Variants in HS2ST1 observed in about 807,000 individuals in gnomAD.
HS2ST1 encodes the protein 2-O-sulfotransferase.
A neutral mutation model predicts 42.9 loss-of-function variants in HS2ST1; 18 were observed. The ratio of observed to expected loss-of-function variants is 0.42; its 90% CI spans 0.29 to 0.62. The LOEUF is 0.62. Among genes scored for constraint, HS2ST1 ranks in the 20% least tolerant of loss-of-function variants. The pLI, the probability that HS2ST1 is intolerant of heterozygous loss-of-function variation, is 0.21. For missense variants in HS2ST1, 334 were observed against 433.8 expected (o/e 0.77, Z 2.04); for synonymous variants, 146 against 152.9 (o/e 0.95, Z 0.33).
At chr1:86,943,780 C>T (rs1446371648) in intron 1 of HS2ST1, among the ~76,000 whole-genome samples, 1 of 151,788 alleles carries the variant, frequency 6.6e-6, no homozygotes, top group Non-Finnish European at 1.5e-5. Context: ...AATCCCAGCA[C>T]TTTGGGTGGC....
chr1:87,030,549 T>C (rs956875385), intron 1 of HS2ST1, among the ~76,000 whole-genome samples: 15 of 151,920 alleles, frequency 9.9e-5, no homozygotes, highest in East Asian at 1.9e-4. Flanking sequence ...CACACACACA[T>C]GCCTCTCCAC....
chr1:87,020,392 C>T (rs965114714), intron 1 of HS2ST1, among the ~76,000 whole-genome samples: 2 of 152,184 alleles, frequency 1.3e-5, no homozygotes, highest in African/African-American at 4.8e-5. Flanking sequence ...TTTATGCTTC[C>T]TATTCTAGTA....
intron 1 of HS2ST1, among the ~76,000 whole-genome samples, chr1:86,935,066 C>G (rs72947866): frequency 0.024 from 3,582 of 151,582 alleles, 75 homozygotes; most frequent in African/African-American, 0.049. Context: ...TTTTCTGTAC[C>G]TTTTTGACTG....
At chr1:86,954,964 G>A (rs1192988694) in intron 1 of HS2ST1, among the ~76,000 whole-genome samples, 1 of 152,110 alleles carries the variant, frequency 6.6e-6, no homozygotes, top group Non-Finnish European at 1.5e-5. Flanking sequence ...CAGGTGTGGT[G>A]GCTCATCCCT....
intron 1 of HS2ST1, among the ~76,000 whole-genome samples, chr1:86,959,704 A>G (rs1368073912): frequency 6.6e-6 from 1 of 151,460 alleles, no homozygotes; most frequent in Non-Finnish European, 1.5e-5. Context: ...CATTTATATT[A>G]GCACAAAAAA....
intron 1 of HS2ST1, among the ~76,000 whole-genome samples, chr1:87,058,342 A>G (rs1462563950): frequency 6.6e-6 from 1 of 151,788 alleles, no homozygotes; most frequent in East Asian, 1.9e-4. Flanking sequence ...TTCTGGAGTA[A>G]TGCTACAAAA....
chr1:86,974,141 G>A (rs966015818), intron 1 of HS2ST1, among the ~76,000 whole-genome samples: 4 of 152,072 alleles, frequency 2.6e-5, no homozygotes, highest in Admixed American at 1.3e-4. Flanking sequence ...TTCTAATGGG[G>A]TGACACTTGG....
chr1:86,992,643 T>C (rs1648989402), intron 1 of HS2ST1, among the ~76,000 whole-genome samples: 1 of 152,222 alleles, frequency 6.6e-6, no homozygotes, highest in Non-Finnish European at 1.5e-5. Context: ...ATTACAGGCA[T>C]GAGCCACCGC....
chr1:87,101,149 G>GTGTTTTTTTTTTTT (rs1557546421), intron 5 of HS2ST1, among the ~76,000 whole-genome samples: 2 of 59,540 alleles, frequency 3.4e-5, no homozygotes, highest in Non-Finnish European at 5.9e-5. Flanking sequence ...GTGTGTGTGT[G>GTGTTTTTTTTTTTT]TTTTTTGTTT....
chr1:86,954,332 G>A (rs1295816691), intron 1 of HS2ST1, among the ~76,000 whole-genome samples: 1 of 152,080 alleles, frequency 6.6e-6, no homozygotes, highest in East Asian at 1.9e-4. Flanking sequence ...CTGGGTGACA[G>A]AGCAAGACTC....
intron 3 of HS2ST1, among the ~76,000 whole-genome samples, chr1:87,085,156 A>G (rs1651790801): frequency 6.6e-6 from 1 of 152,158 alleles, no homozygotes; most frequent in Non-Finnish European, 1.5e-5. Context: ...CTCAAATCCA[A>G]ATGTTTTCCC....
At chr1:86,966,419 G>C (rs1648050134) in intron 1 of HS2ST1, among the ~76,000 whole-genome samples, 1 of 152,090 alleles carries the variant, frequency 6.6e-6, no homozygotes, top group Non-Finnish European at 1.5e-5. Context: ...TTAGGGTTAG[G>C]GGGCATTGCT....
intron 1 of HS2ST1, among the ~76,000 whole-genome samples, chr1:86,952,429 G>A (rs534110665): frequency 6.6e-6 from 1 of 152,084 alleles, no homozygotes; most frequent in Non-Finnish European, 1.5e-5. Context: ...GTAGAGATGG[G>A]GTTTCACCAT....
intron 1 of HS2ST1, among the ~76,000 whole-genome samples, chr1:86,988,182 T>G (rs1338322319): frequency 6.6e-6 from 1 of 152,220 alleles, no homozygotes; most frequent in Non-Finnish European, 1.5e-5. Flanking sequence ...GGAGCCATCA[T>G]TTGCTCAAAC....
chr1:87,100,222 C>T (rs1297494071), intron 5 of HS2ST1, among the ~76,000 whole-genome samples: 2 of 152,148 alleles, frequency 1.3e-5, no homozygotes, highest in African/African-American at 4.8e-5. Context: ...AATCTGCAAT[C>T]TAGGTGGAAT....
intron 1 of HS2ST1, among the ~76,000 whole-genome samples, chr1:87,070,865 CTCTG>C (rs779706212): frequency 3.2e-4 from 48 of 152,226 alleles, no homozygotes; most frequent in Non-Finnish European, 5.3e-4. Context: ...ATCCTAGGGT[CTCTG>C]TCTGTGCTAC....
intron 1 of HS2ST1, among the ~76,000 whole-genome samples, chr1:86,945,243 A>G (rs1194096412): frequency 6.6e-6 from 1 of 152,210 alleles, no homozygotes; most frequent in Non-Finnish European, 1.5e-5. Context: ...GCTCAACATA[A>G]GAGATGTGAT....
At chr1:86,982,057 C>T (rs907332820) in intron 1 of HS2ST1, among the ~76,000 whole-genome samples, 2 of 152,262 alleles carry the variant, frequency 1.3e-5, no homozygotes, top group African/African-American at 4.8e-5. Flanking sequence ...ACAGGCCCAA[C>T]ACCACATGGA....
intron 3 of HS2ST1, among the ~76,000 whole-genome samples, chr1:87,089,202 A>T (rs992977182): frequency 1.3e-5 from 2 of 151,996 alleles, no homozygotes; most frequent in Admixed American, 6.6e-5. Flanking sequence ...CTATTGATAG[A>T]ATGTAATTGT....
Sources: allele counts gnomAD v4.1 joint callset (sites outside exome capture counted in the v4.1 genomes callset), GRCh38; gene constraint gnomAD v4.1.1; transcripts MANE v1.5; gene names NCBI Gene and HGNC (gene_info 2026-07-23, HGNC 2026-07-21).